Variants in SPIRE1 observed in about 807,000 individuals in gnomAD.
SPIRE1 encodes protein spire homolog 1.
In SPIRE1, 40 loss-of-function variants were observed where a neutral mutation model predicts 94.1. The ratio of observed to expected loss-of-function variants is 0.43; its 90% CI spans 0.33 to 0.55. The LOEUF (loss-of-function observed/expected upper bound fraction) is 0.55. SPIRE1 is among the 20% of genes least tolerant of loss of function. SPIRE1 has a pLI of 0.06. For synonymous variants in SPIRE1, 376 were observed against 371.7 expected (o/e 1.01, Z -0.13); for missense variants, 838 against 975.2 (o/e 0.86, Z 1.87).
At chr18:12,465,126 T>C (rs1315812143) in intron 10 of SPIRE1, among the ~76,000 whole-genome samples, 168 bp from the exon 11 acceptor site, 3 of 152,228 alleles carry the variant, frequency 2.0e-5, no homozygotes, top group Admixed American at 2.0e-4. Flanking sequence ...AAGACAGGTC[T>C]GGGTTTGTGC....
chr18:12,565,804 G>A (rs1408986663), intron 2 of SPIRE1, among the ~76,000 whole-genome samples: 1 of 152,010 alleles, frequency 6.6e-6, no homozygotes, highest in Non-Finnish European at 1.5e-5. Context: ...GGGAGGCCGA[G>A]GCAGGCAGAT....
chr18:12,592,672 C>T (rs1432959778), intron 2 of SPIRE1, among the ~76,000 whole-genome samples: 1 of 152,200 alleles, frequency 6.6e-6, no homozygotes, highest in Non-Finnish European at 1.5e-5. Flanking sequence ...CTTAATATAA[C>T]TGATTATCAT....
chr18:12,582,049 G>T (rs957258111), intron 2 of SPIRE1, among the ~76,000 whole-genome samples: 1 of 152,148 alleles, frequency 6.6e-6, no homozygotes, highest in Non-Finnish European at 1.5e-5. Context: ...CTCCACAGAT[G>T]ACTTACCTCA....
chr18:12,546,657 A>AT lies in SPIRE1; in HGVS notation c.603+16dup. On this transcript the variant is annotated intron_variant, in intron 3 of 16. Coordinates refer to ENST00000409402, the MANE Select transcript of SPIRE1 (RefSeq NM_001128626.2). ...AACTCTTGAAAAAAACAAGTACTGC[A>AT]TAAAACGCTGCCTTACCTTCATGAC... 5.7e-6 allele frequency: 9 copies of AT among 1,582,850 alleles called. No homozygotes were observed. Among genetic ancestry groups the AT allele is most frequent in the Non-Finnish European group, 7.8e-6 (9 of 1,151,848 alleles).
rs397858954 is a variant in SPIRE1, at chr18:12,626,051, C to CA, written c.372+9010dup. On this transcript the variant is annotated intron_variant, in intron 2 of 16. Transcript: ENST00000409402. ...TTCCCCACACCGCCCCGCCCCCCCC[C>CA]AAAAAAAGGAAATACAAATCTAATT... 7.0e-4 allele frequency among the ~76,000 whole-genome samples: 94 copies of CA among 134,732 alleles called. 4 individuals are homozygous for CA. Among genetic ancestry groups the CA allele is most frequent in the Non-Finnish European group, 1.3e-3 (80 of 60,082 alleles). The allele number at this position is 134,732 out of a possible 152,430, so 88.4% of individuals were successfully genotyped here. A position where few individuals can be genotyped will look rare whatever the true frequency, so the allele number is the denominator to read the frequency against.
At chr18:12,576,171 C>T (rs2036088055) in intron 2 of SPIRE1, among the ~76,000 whole-genome samples, 3 of 151,664 alleles carry the variant, frequency 2.0e-5, no homozygotes, top group South Asian at 4.2e-4. Flanking sequence ...CCACTGCATT[C>T]CAGCCTGGGC....
Position 12,559,441 on chromosome 18 carries a change from G to A in SPIRE1, c.373-12537C>T, listed in dbSNP as rs780643513. ...TCGTGCTGGCCTGCGAACACCACGC[G>A]CAGCCCTGGTTGCCACCCGCGCCTC... On this transcript the variant is annotated intron_variant, in intron 2 of 16. Coordinates refer to ENST00000409402, the MANE Select transcript of SPIRE1 (RefSeq NM_001128626.2). This position sits in a 1 kb window ranked among gnomAD's most constrained non-coding sequence, Gnocchi z 4.7. 1.5e-4 allele frequency among the ~76,000 whole-genome samples: 23 copies of A among 152,122 alleles called. No individual in the cohort carries two copies. The highest frequency in any genetic ancestry group is 7.7e-4 in the East Asian group (4 of 5,172).
chr18:12,579,232 CAA>C (rs1272996041), intron 2 of SPIRE1, among the ~76,000 whole-genome samples: 5 of 136,684 alleles, frequency 3.7e-5, no homozygotes, highest in East Asian at 2.1e-4. Flanking sequence ...CACACACACA[CAA>C]AATACTGACT....
chr18:12,509,946 G>A (rs560324832), intron 5 of SPIRE1, among the ~76,000 whole-genome samples: 16 of 152,114 alleles, frequency 1.1e-4, no homozygotes, highest in East Asian at 1.9e-4. Context: ...TTAGCTGGGT[G>A]TGGTGGTGCG....
chr18:12,553,340 A>G (rs2035410922), intron 2 of SPIRE1, among the ~76,000 whole-genome samples: 1 of 152,048 alleles, frequency 6.6e-6, no homozygotes, highest in African/African-American at 2.4e-5. Flanking sequence ...GCCAGAGGGG[A>G]GCCCACTGCC....
intron 3 of SPIRE1, among the ~76,000 whole-genome samples, chr18:12,545,987 TTTATTA>T (rs571457451): frequency 6.6e-6 from 1 of 151,978 alleles, no homozygotes; most frequent in African/African-American, 2.4e-5. Flanking sequence ...ATCACCGTTC[TTTATTA>T]TTATTATTAT....
chr18:12,641,432 G>T (rs183675342), intron 1 of SPIRE1, among the ~76,000 whole-genome samples: 1 of 150,566 alleles, frequency 6.6e-6, no homozygotes, highest in African/African-American at 2.4e-5. Context: ...GCAGTGGCAC[G>T]ATCTTGGCTT....
At chr18:12,625,732 C>T (rs182953006) in intron 2 of SPIRE1, among the ~76,000 whole-genome samples, 131 of 152,214 alleles carry the variant, frequency 8.6e-4, no homozygotes, top group African/African-American at 3.0e-3. Flanking sequence ...TTAAGGGCTA[C>T]CCATTGTCAA....
chr18:12,548,845 A>G (rs114923271), intron 2 of SPIRE1, among the ~76,000 whole-genome samples: 1 of 152,232 alleles, frequency 6.6e-6, no homozygotes, highest in African/African-American at 2.4e-5. Context: ...AAACTCCTGG[A>G]CTTAAGCAAT....
intron 2 of SPIRE1, among the ~76,000 whole-genome samples, chr18:12,610,766 C>G (rs1332177198): frequency 6.6e-6 from 1 of 152,164 alleles, no homozygotes; most frequent in Non-Finnish European, 1.5e-5. Flanking sequence ...AACTTCTCTT[C>G]TTCCCTCCTG....
At chr18:12,555,771 G>A (rs1261307905) in intron 2 of SPIRE1, among the ~76,000 whole-genome samples, 1 of 152,174 alleles carries the variant, frequency 6.6e-6, no homozygotes, top group African/African-American at 2.4e-5. Flanking sequence ...CGATAAGGAT[G>A]CCCACTTTCA....
intron 3 of SPIRE1, among the ~76,000 whole-genome samples, chr18:12,541,427 A>T (rs2035012263): frequency 6.6e-6 from 1 of 152,174 alleles, no homozygotes; most frequent in Non-Finnish European, 1.5e-5. Context: ...CTATGGTTGT[A>T]CATTTGTCTA....
Position 12,657,908 on chromosome 18 carries a change from G to A in SPIRE1, c.-42C>T. ...GCGCTCGGCAGTCGCGCCGTGTGCC[G>A]GCGTCTCCTCAGCTCCGGAGCATCG... is the stretch of plus-strand genomic sequence containing the variant. On this transcript the variant is annotated 5_prime_UTR_variant, in exon 1 of 17. Transcript: ENST00000409402. 9.7e-7 allele frequency: 1 copy of A among 1,027,916 alleles called. No homozygotes were observed. Among genetic ancestry groups the A allele is most frequent in the Non-Finnish European group, 1.2e-6 (1 of 860,388 alleles). 63.7% of individuals were successfully genotyped at this position (1,027,916 alleles called of 1,614,324 possible). A position where few individuals can be genotyped will look rare whatever the true frequency, so the allele number is the denominator to read the frequency against.
rs755631259 is a variant in SPIRE1, at chr18:12,546,771, C to T, written c.506G>A (p.Ser169Asn). The change falls in exon 3 of 17, where the codon AGC (serine) becomes AAC (asparagine). Residue 169 changes from serine to asparagine, a missense_variant. Ser to Asn is a conservative substitution (Grantham distance 46). This residue lies in a region of SPIRE1 where 645 missense variants were observed against 804.7 expected (regional missense o/e 0.80). Coordinates refer to ENST00000409402, the MANE Select transcript of SPIRE1 (RefSeq NM_001128626.2). ...HMANTVEADG[S>N]NDEGYEAAEE... ...TGCAGCCTCATAGCCCTCATCATTG[C>T]TACCGTCAGCTTCCACCGTGTTGGC... 5.6e-6 allele frequency: 9 copies of T among 1,614,132 alleles called. No individual in the cohort carries two copies. Among genetic ancestry groups the T allele is most frequent in the Non-Finnish European group, 6.8e-6 (8 of 1,180,024 alleles).
Sources: allele counts gnomAD v4.1 joint callset (sites outside exome capture counted in the v4.1 genomes callset), GRCh38; gene constraint gnomAD v4.1.1; regional missense constraint gnomAD v4.1.1; non-coding constraint Gnocchi (gnomAD v3.1); transcripts MANE v1.5; gene names NCBI Gene and HGNC (gene_info 2026-07-23, HGNC 2026-07-21).